ZNF225: variants seen among roughly 807,000 people sequenced by gnomAD.
ZNF225 encodes the protein zinc finger protein 225.
Under a neutral mutation model 12.0 loss-of-function variants are expected in ZNF225, and 6 were observed. That is an observed-to-expected ratio of 0.50 (90% CI 0.27 to 0.98). The LOEUF is 0.98. Ranked by LOEUF, ZNF225 falls within the 50% of genes least tolerant of loss-of-function variation. The pLI is 0.11. For synonymous variants in ZNF225, 271 were observed against 283.2 expected (o/e 0.96, Z 0.43); for missense variants, 763 against 848.2 (o/e 0.90, Z 1.25).
rs199854630 is a variant in ZNF225, at chr19:44,132,370, C to T, written c.1756C>T (p.His586Tyr). The T allele has an allele frequency of 7.4e-6, 12 of 1,614,134 alleles. No individual in the cohort carries two copies. The African/African-American group carries it at 1.5e-4, about 20-fold the overall frequency. The part of the protein sequence containing the change: ...SFSRASSILN[H>Y]KRLHGDEKPF... ...TAGCCGGGCCTCAAGTATTTTGAAT[C>T]ATAAGAGACTCCATGGTGATGAAAA... Residue 586 changes from histidine to tyrosine, a missense_variant, in exon 5 of 5, where the codon CAT becomes TAT. His to Tyr is a moderately conservative substitution (Grantham distance 83, BLOSUM62 2). Transcript: ENST00000262894.
At chr19:44,115,888 G>T in intron 2 of ZNF225, 46 bp downstream of exon 2, 1 of 1,599,840 alleles carries the variant, frequency 6.3e-7, no homozygotes, top group South Asian at 1.1e-5. Context: ...CTTTTATGGA[G>T]ACTTGTTCTG....
At chr19:44,129,565 T>A (rs1200878479) in intron 4 of ZNF225, 1 of 152,368 alleles carries the variant, frequency 6.6e-6, no homozygotes, top group Admixed American at 6.5e-5. Context: ...TGTCTGTTAA[T>A]TACATAGCCA....
Position 44,132,263 on chromosome 19 carries a change from A to G in ZNF225, c.1649A>G (p.Asn550Ser). Reference protein sequence around the residue: ...YKCEECGKGFNSKFNLDMHQR... With the variant: ...YKCEECGKGFSSKFNLDMHQR... ...TGTGAAGAGTGTGGGAAGGGCTTCA[A>G]CAGTAAGTTTAATCTTGACATGCAC... Residue 550 changes from asparagine to serine, a missense_variant, in exon 5 of 5, where the codon AAC becomes AGC. Coordinates refer to ENST00000262894, the MANE Select transcript of ZNF225 (RefSeq NM_013362.4). The G allele has an allele frequency of 6.2e-7, 1 of 1,613,342 alleles. No homozygotes were observed. The highest frequency in any genetic ancestry group is 8.5e-7 in the Non-Finnish European group (1 of 1,179,852).
rs753295312 is a variant in ZNF225, at chr19:44,131,506, C to T, written c.892C>T (p.Arg298Cys). 92 of 1,613,718 alleles carry T rather than the reference C, an allele frequency of 5.7e-5. 1 individual carries two copies. In the South Asian group the frequency reaches 8.9e-4, roughly 16 times the overall value. ...ATGTGATATATGTTGTAAGAGCTTC[C>T]GTAGTAGAGCAAATCTTAATAGGCA... is the stretch of plus-strand genomic sequence containing the variant. ...FKCDICCKSF[R>C]SRANLNRHSM... Residue 298 changes from arginine (R) to cysteine (C), a missense_variant, in exon 5 of 5, where the codon CGT becomes TGT. Transcript: ENST00000262894.
Position 44,131,106 on chromosome 19 carries a change from T to A in ZNF225, c.492T>A (p.Asp164Glu). 1 of 1,614,174 alleles carries A rather than the reference T, an allele frequency of 6.2e-7. No individual in the cohort carries two copies. Among genetic ancestry groups the A allele is most frequent in the Non-Finnish European group, 8.5e-7 (1 of 1,179,998 alleles). ...CCTTTAGTGATGTCTCCGTCCTTGATCTTCATCAACAACTACAGTCAAGAG... is the reference window on the plus strand; with the variant it reads ...CCTTTAGTGATGTCTCCGTCCTTGAACTTCATCAACAACTACAGTCAAGAG... ...KKSFSDVSVL[D>E]LHQQLQSREK... Residue 164 changes from aspartate (D) to glutamate (E), a missense_variant, in exon 5 of 5, where the codon GAT becomes GAA. Coordinates refer to ENST00000262894, the MANE Select transcript of ZNF225 (RefSeq NM_013362.4).
chr19:44,132,962 T>C lies in ZNF225; in HGVS notation c.*227T>C, dbSNP rs1346333499. ...AGAACTTATTCCTCCTACCTGCCTG[T>C]ATTTCTGTATTCATTAACCAACCTT... On this transcript the variant is annotated 3_prime_UTR_variant, in exon 5 of 5. Coordinates refer to ENST00000262894, the MANE Select transcript of ZNF225 (RefSeq NM_013362.4). 16 of 369,592 alleles carry C rather than the reference T, an allele frequency of 4.3e-5. No individual in the cohort carries two copies. The Admixed American group carries it at 6.6e-4, about 15-fold the overall frequency. 22.9% of individuals were successfully genotyped at this position (369,592 alleles called of 1,614,324 possible). A position where few individuals can be genotyped will look rare whatever the true frequency, so the allele number is the denominator to read the frequency against.
At position 44,132,020 on chromosome 19, in the gene ZNF225, C is replaced by T. The variant is rs781051565; in HGVS notation, c.1406C>T (p.Ser469Leu). The change falls in exon 5 of 5, where the codon TCG (serine) becomes TTG (leucine). Residue 469 changes from serine (S) to leucine (L), a missense_variant. Coordinates refer to ENST00000262894, the MANE Select transcript of ZNF225 (RefSeq NM_013362.4). ...TGTGGGAAGAGCTTTGGCTGGGCCT[C>T]GTGTCTTTTGAATCATCAGAGAATC... ...KECGKSFGWA[S>L]CLLNHQRIHS... 60 of 1,613,626 alleles carry T rather than the reference C, an allele frequency of 3.7e-5. No individual in the cohort carries two copies. Among genetic ancestry groups the T allele is most frequent in the East Asian group, 2.2e-5 (1 of 44,870 alleles).
At chr19:44,123,093 T>C (rs934112444) in intron 4 of ZNF225, among the ~76,000 whole-genome samples, 2 of 152,186 alleles carry the variant, frequency 1.3e-5, no homozygotes, top group African/African-American at 4.8e-5. Flanking sequence ...GGGAATGCTT[T>C]CAACTTTTCC....
chr19:44,116,384 A>T (rs1967942610), intron 2 of ZNF225, among the ~76,000 whole-genome samples: 1 of 152,184 alleles, frequency 6.6e-6, no homozygotes, highest in African/African-American at 2.4e-5. Flanking sequence ...CCCAGGCACC[A>T]TTTTGGGGTG....
At chr19:44,114,348 C>T in intron 1 of ZNF225, 1 of 406,644 alleles carries the variant, frequency 2.5e-6, no homozygotes. Context: ...GATAGCATAG[C>T]TTTCATCGTT....
intron 4 of ZNF225, chr19:44,129,175 C>G (rs879731860): frequency 9.2e-7 from 1 of 1,083,716 alleles, no homozygotes; most frequent in Admixed American, 4.3e-5. Context: ...TACAGGAATA[C>G]TCTGAAAATG....
At chr19:44,128,991 C>G in intron 4 of ZNF225, 1 of 1,170,772 alleles carries the variant, frequency 8.5e-7, no homozygotes, top group Non-Finnish European at 1.1e-6. Context: ...GGTGATCTTA[C>G]CAACTTTCAT....
At chr19:44,127,644 AT>A (rs1189912468) in intron 4 of ZNF225, among the ~76,000 whole-genome samples, 1 of 151,706 alleles carries the variant, frequency 6.6e-6, no homozygotes, top group African/African-American at 2.4e-5. Flanking sequence ...TTCTTTCTTT[AT>A]TTTATTTTAT....
chr19:44,121,374 T>A lies in ZNF225; in HGVS notation c.235+2800T>A, dbSNP rs566354729. ...TATTCCATTGTATATAATACCACAG[T>A]TTTCTTTATTCACTCGTTGATTGAT... On this transcript the variant is annotated intron_variant, in intron 4 of 4. Coordinates refer to ENST00000262894, the MANE Select transcript of ZNF225 (RefSeq NM_013362.4). Among the ~76,000 whole-genome samples, 39 of 152,292 alleles carry A rather than the reference T, an allele frequency of 2.6e-4. No individual in the cohort carries two copies. In the South Asian group the frequency reaches 7.1e-3, roughly 28 times the overall value.
At chr19:44,130,801 T>C in intron 4 of ZNF225, 49 bp from the exon 5 acceptor site, 1 of 1,516,650 alleles carries the variant, frequency 6.6e-7, no homozygotes, top group East Asian at 2.3e-5. Context: ...TTGATAACAC[T>C]GAATAAAAGC....
At chr19:44,115,990 T>A in intron 2 of ZNF225, 148 bp downstream of exon 2, 1 of 747,372 alleles carries the variant, frequency 1.3e-6, no homozygotes. Flanking sequence ...GCCTCCCAAG[T>A]AGCTGGGACT....
At chr19:44,114,504 A>ATC (rs781335625) in intron 1 of ZNF225, among the ~76,000 whole-genome samples, 3 of 151,864 alleles carry the variant, frequency 2.0e-5, no homozygotes, top group Non-Finnish European at 4.4e-5. Flanking sequence ...GAAGTGGTAA[A>ATC]TCTCTCTCTC....
intron 4 of ZNF225, among the ~76,000 whole-genome samples, chr19:44,120,367 C>T (rs1051863816): frequency 6.6e-6 from 1 of 152,286 alleles, no homozygotes; most frequent in Non-Finnish European, 1.5e-5. Context: ...GCTGTCTATT[C>T]ACAGGCTAGA....
intron 4 of ZNF225, among the ~76,000 whole-genome samples, chr19:44,120,823 T>C (rs1968037692): frequency 6.6e-6 from 1 of 152,174 alleles, no homozygotes; most frequent in Non-Finnish European, 1.5e-5. Context: ...CCGAGCAGTA[T>C]ATGCTGCACC....
Sources: allele counts gnomAD v4.1 joint callset (sites outside exome capture counted in the v4.1 genomes callset), GRCh38; gene constraint gnomAD v4.1.1; transcripts MANE v1.5; gene names NCBI Gene and HGNC (gene_info 2026-07-23, HGNC 2026-07-21).